RBMS3: variants seen among roughly 807,000 people sequenced by gnomAD.
The protein encoded by RBMS3 is RNA binding motif single stranded interacting protein 3.
Under a neutral mutation model 66.8 loss-of-function variants are expected in RBMS3, and 27 were observed. The ratio of observed to expected loss-of-function variants is 0.40; its 90% CI spans 0.30 to 0.56. The LOEUF is 0.56. Ranked by LOEUF, RBMS3 falls within the 20% of genes least tolerant of loss-of-function variation. The pLI, the probability that RBMS3 is intolerant of heterozygous loss-of-function variation, is 0.40. For synonymous variants in RBMS3, 188 were observed against 183.0 expected (o/e 1.03, Z -0.22); for missense variants, 513 against 549.5 (o/e 0.93, Z 0.66).
At chr3:29,496,470 T>G (rs2043758425) in intron 3 of RBMS3, among the ~76,000 whole-genome samples, 2 of 152,192 alleles carry the variant, frequency 1.3e-5, no homozygotes, top group African/African-American at 2.4e-5. Flanking sequence ...GTGCATCAAG[T>G]TTACTCAGAA....
intron 1 of RBMS3, among the ~76,000 whole-genome samples, chr3:29,368,361 A>G (rs1026048000): frequency 1.3e-5 from 2 of 152,132 alleles, no homozygotes; most frequent in African/African-American, 4.8e-5. Context: ...TGAAAGTGAA[A>G]CAGGTTGATC....
At chr3:29,615,469 A>AGC (rs201101368) in intron 4 of RBMS3, among the ~76,000 whole-genome samples, 2,187 of 143,016 alleles carry the variant, frequency 0.015, 35 homozygotes, top group African/African-American at 0.045. Context: ...GACTACAGTT[A>AGC]GCACACACAC....
chr3:29,512,696 C>T (rs1028109933), intron 3 of RBMS3, among the ~76,000 whole-genome samples: 3 of 152,114 alleles, frequency 2.0e-5, no homozygotes, highest in African/African-American at 7.2e-5. Context: ...GGCGGTGGTA[C>T]AGCCATAATA....
At chr3:29,712,543 G>C (rs969318851) in intron 4 of RBMS3, among the ~76,000 whole-genome samples, 1 of 152,032 alleles carries the variant, frequency 6.6e-6, no homozygotes, top group African/African-American at 2.4e-5. Context: ...AAACTCCTAG[G>C]CTCAAACAAT....
At position 29,912,894 on chromosome 3, in the gene RBMS3, A is replaced by T. The variant is rs1008673771; in HGVS notation, c.939+13139A>T. Among the ~76,000 whole-genome samples the T allele has an allele frequency of 3.3e-5, 5 of 152,098 alleles. No homozygotes were observed. The East Asian group carries it at 5.8e-4, about 18-fold the overall frequency. Reference sequence around the variant, plus strand: ...GGCTATTTTACCTCTCATGGAAAAGATGGCAAGATTGTTCAGTTTGTGCCA... The same window carrying T: ...GGCTATTTTACCTCTCATGGAAAAGTTGGCAAGATTGTTCAGTTTGTGCCA... On this transcript the variant is annotated intron_variant, in intron 10 of 14. Transcript: ENST00000383767.
intron 1 of RBMS3, among the ~76,000 whole-genome samples, chr3:29,380,717 T>C (rs544058704): frequency 1.2e-4 from 19 of 152,318 alleles, no homozygotes; most frequent in African/African-American, 4.3e-4. Flanking sequence ...ATTCAAAGTG[T>C]AGTCCACAGA....
intron 11 of RBMS3, among the ~76,000 whole-genome samples, chr3:29,940,849 TTTTG>T (rs1486800999): frequency 6.6e-6 from 1 of 151,796 alleles, no homozygotes; most frequent in Non-Finnish European, 1.5e-5. Flanking sequence ...GCTTTTCTAC[TTTTG>T]TTTATTTTTT....
intron 9 of RBMS3, among the ~76,000 whole-genome samples, chr3:29,899,225 G>T (rs1217530751): frequency 6.6e-6 from 1 of 151,600 alleles, no homozygotes; most frequent in Non-Finnish European, 1.5e-5. Flanking sequence ...CAAATTTTTG[G>T]TTTATCTCTT....
At chr3:29,667,757 T>G (rs2149240978) in intron 4 of RBMS3, among the ~76,000 whole-genome samples, 1 of 152,290 alleles carries the variant, frequency 6.6e-6, no homozygotes, top group Non-Finnish European at 1.5e-5. Flanking sequence ...TGTTTTATTT[T>G]TAGAAATCTC....
At position 29,605,319 on chromosome 3, in the gene RBMS3, A is replaced by T. The variant is rs533839586; in HGVS notation, c.399+18114A>T. ...TCAATGCACCAGCAGAAGGTTGTATACGCTGTTAACAAAGGCAATTCCTCA... is the reference window on the plus strand; with the variant it reads ...TCAATGCACCAGCAGAAGGTTGTATTCGCTGTTAACAAAGGCAATTCCTCA... On this transcript the variant is annotated intron_variant, in intron 4 of 14. Transcript: ENST00000383767. Among the ~76,000 whole-genome samples the T allele has an allele frequency of 1.6e-4, 24 of 152,002 alleles. No individual in the cohort carries two copies. The South Asian group carries it at 5.0e-3, about 31-fold the overall frequency.
intron 6 of RBMS3, among the ~76,000 whole-genome samples, chr3:29,798,906 A>G (rs934916568): frequency 1.2e-4 from 18 of 145,902 alleles, no homozygotes; most frequent in African/African-American, 4.1e-4. Flanking sequence ...TGCAACATCA[A>G]TTGTAATGAT....
In RBMS3 at chr3:29,798,670, A is replaced by C. The variant is rs114155804; in HGVS notation, c.637+35681A>C. ...GCTTTTCACCAAAGAATTTAGCAAAAATTTTAAGAAGGTTAAGTTTTATAG... is the reference window on the plus strand; with the variant it reads ...GCTTTTCACCAAAGAATTTAGCAAACATTTTAAGAAGGTTAAGTTTTATAG... On this transcript the variant is annotated intron_variant, in intron 6 of 14. Coordinates refer to ENST00000383767, the MANE Select transcript of RBMS3 (RefSeq NM_001003793.3). 4.4e-3 allele frequency among the ~76,000 whole-genome samples: 670 copies of C among 152,246 alleles called. 2 individuals carry two copies. The highest frequency in any genetic ancestry group is 7.4e-3 in the Non-Finnish European group (506 of 68,012).
At chr3:29,344,268 C>T (rs771763694) in intron 1 of RBMS3, among the ~76,000 whole-genome samples, 5 of 152,290 alleles carry the variant, frequency 3.3e-5, no homozygotes, top group Non-Finnish European at 5.9e-5. Flanking sequence ...ATGTTGTCGA[C>T]CAGGTGCTGT....
At chr3:29,593,164 TA>T (rs144909642) in intron 4 of RBMS3, among the ~76,000 whole-genome samples, 3,698 of 151,986 alleles carry the variant, frequency 0.024, 169 homozygotes, top group African/African-American at 0.085. Context: ...TAAAGTATAA[TA>T]AAAAAAGGAA....
At chr3:29,960,778 C>T (rs994479606) in intron 12 of RBMS3, among the ~76,000 whole-genome samples, 2 of 152,152 alleles carry the variant, frequency 1.3e-5, no homozygotes, top group Non-Finnish European at 2.9e-5. Flanking sequence ...TAGCCCAAGC[C>T]GTACCTTGGC....
chr3:29,938,672 G>T (rs1361386784), intron 11 of RBMS3, among the ~76,000 whole-genome samples: 1 of 151,848 alleles, frequency 6.6e-6, no homozygotes, highest in Non-Finnish European at 1.5e-5. Context: ...TTATCCAGTT[G>T]AGGTTGATTT....
intron 10 of RBMS3, among the ~76,000 whole-genome samples, chr3:29,912,077 T>G (rs188807915): frequency 2.0e-5 from 3 of 151,978 alleles, no homozygotes; most frequent in Non-Finnish European, 4.4e-5. Context: ...GGGATGCGGA[T>G]GGATGAATGG....
intron 4 of RBMS3, among the ~76,000 whole-genome samples, chr3:29,603,918 G>A (rs1018719313): frequency 6.6e-6 from 1 of 151,850 alleles, no homozygotes; most frequent in Non-Finnish European, 1.5e-5. Context: ...TAGGGCACAA[G>A]TTGCTTTAGA....
intron 1 of RBMS3, among the ~76,000 whole-genome samples, chr3:29,356,665 G>T (rs62241734): frequency 0.028 from 4,313 of 152,236 alleles, 87 homozygotes; most frequent in Non-Finnish European, 0.046. Flanking sequence ...TAAAAAGTTA[G>T]TAGTGTTTAC....
Sources: gnomAD v4.1 joint callset for allele counts (sites outside exome capture counted in the v4.1 genomes callset) on GRCh38, gnomAD v4.1.1 for gene constraint, MANE v1.5 for transcripts, NCBI Gene and HGNC (gene_info 2026-07-23, HGNC 2026-07-21) for gene names.